Variants in ZBTB20 observed in about 807,000 individuals in gnomAD.
The protein encoded by ZBTB20 is zinc finger and BTB domain-containing protein 20.
Under a neutral mutation model 56.9 loss-of-function variants are expected in ZBTB20, and 9 were observed. The observed-to-expected ratio is 0.16, with a 90% confidence interval of 0.10 to 0.28. The LOEUF (loss-of-function observed/expected upper bound fraction) is 0.28. Ranked by LOEUF, ZBTB20 falls within the 10% of genes least tolerant of loss-of-function variation. ZBTB20 has a pLI of 1.00. For missense variants in ZBTB20, 655 were observed against 1,003.0 expected (o/e 0.65, Z 4.69); for synonymous variants, 417 against 420.7 (o/e 0.99, Z 0.11).
chr3:115,036,645 C>T (rs555524106), intron 2 of ZBTB20, among the ~76,000 whole-genome samples: 5 of 152,232 alleles, frequency 3.3e-5, no homozygotes, highest in South Asian at 4.1e-4. Context: ...GATCTCTTGA[C>T]CTCATGATCT....
At chr3:114,409,955 G>C (rs1231013921) in intron 7 of ZBTB20, among the ~76,000 whole-genome samples, 1 of 152,134 alleles carries the variant, frequency 6.6e-6, no homozygotes, top group Non-Finnish European at 1.5e-5. Flanking sequence ...TCAGAAGAGG[G>C]AGAATATCTC....
At chr3:114,369,112 A>G (rs2082720654) in intron 10 of ZBTB20, among the ~76,000 whole-genome samples, 1 of 152,118 alleles carries the variant, frequency 6.6e-6, no homozygotes, top group Admixed American at 6.5e-5. Context: ...TACCTGGTTA[A>G]GATATGAGGC....
At chr3:114,607,346 A>G (rs2057248582) in intron 6 of ZBTB20, among the ~76,000 whole-genome samples, 1 of 145,746 alleles carries the variant, frequency 6.9e-6, no homozygotes, top group Non-Finnish European at 1.5e-5. Context: ...CTTGTTGCCC[A>G]GGTTGGAGTG....
At chr3:115,008,066 A>G (rs539092592) in intron 2 of ZBTB20, among the ~76,000 whole-genome samples, 32 of 151,794 alleles carry the variant, frequency 2.1e-4, no homozygotes, top group African/African-American at 7.5e-4. Flanking sequence ...CACATCTTCA[A>G]CTTCAAACAT....
At chr3:114,817,134 G>A (rs1390086146) in intron 4 of ZBTB20, among the ~76,000 whole-genome samples, 1 of 151,982 alleles carries the variant, frequency 6.6e-6, no homozygotes, top group Non-Finnish European at 1.5e-5. Context: ...GACTCCGTGT[G>A]TGTGTGTATA....
intron 6 of ZBTB20, among the ~76,000 whole-genome samples, chr3:114,546,365 A>G (rs1380250818): frequency 6.6e-6 from 1 of 152,082 alleles, no homozygotes; most frequent in South Asian, 2.1e-4. Context: ...TCTGAAAACT[A>G]TTGCCTGGCC....
chr3:114,952,707 C>T (rs372163791), intron 3 of ZBTB20, among the ~76,000 whole-genome samples: 1 of 151,786 alleles, frequency 6.6e-6, no homozygotes, highest in African/African-American at 2.4e-5. Flanking sequence ...TGTAGGGAAA[C>T]ACCATTCAAA....
intron 4 of ZBTB20, among the ~76,000 whole-genome samples, chr3:114,837,060 C>T (rs9841037): frequency 0.59 from 89,784 of 151,966 alleles, 30,506 homozygotes; most frequent in East Asian, 0.96. Flanking sequence ...CCTGGTCTAG[C>T]TATATTGCCT....
intron 3 of ZBTB20, among the ~76,000 whole-genome samples, chr3:114,970,322 A>G (rs2077821641): frequency 6.6e-6 from 1 of 152,214 alleles, no homozygotes; most frequent in Non-Finnish European, 1.5e-5. Context: ...GTGTTAATTT[A>G]CTTCCCACTT....
intron 5 of ZBTB20, among the ~76,000 whole-genome samples, chr3:114,780,777 C>G (rs1396154791): frequency 6.6e-6 from 1 of 152,152 alleles, no homozygotes; most frequent in African/African-American, 2.4e-5. Context: ...TGAGCCACCA[C>G]GCCTGGCCCG....
intron 1 of ZBTB20, among the ~76,000 whole-genome samples, chr3:115,139,289 A>AT (rs2084743303): frequency 6.6e-6 from 1 of 152,018 alleles, no homozygotes; most frequent in African/African-American, 2.4e-5. Context: ...GCCTTTCACT[A>AT]CCATTCATAC....
At chr3:114,912,700 CCTT>C (rs898633890) in intron 3 of ZBTB20, among the ~76,000 whole-genome samples, 3 of 151,834 alleles carry the variant, frequency 2.0e-5, no homozygotes, top group Admixed American at 6.6e-5. Context: ...AGATCTTACT[CCTT>C]CTTTCTAGCT....
chr3:115,124,661 A>T (rs547867967), intron 1 of ZBTB20, among the ~76,000 whole-genome samples: 1 of 152,340 alleles, frequency 6.6e-6, no homozygotes, highest in African/African-American at 2.4e-5. Flanking sequence ...CAAGAAACAG[A>T]AAACAGAGCC....
At chr3:114,990,017 T>C (rs1177130499) in intron 2 of ZBTB20, among the ~76,000 whole-genome samples, 1 of 152,066 alleles carries the variant, frequency 6.6e-6, no homozygotes, top group Non-Finnish European at 1.5e-5. Flanking sequence ...GATGATGGGG[T>C]TTTCTAAATA....
chr3:114,366,173 T>C (rs557208510), intron 10 of ZBTB20, among the ~76,000 whole-genome samples: 1 of 152,316 alleles, frequency 6.6e-6, no homozygotes, highest in African/African-American at 2.4e-5. Flanking sequence ...AAAATAAACA[T>C]TTAACAAGTA....
chr3:114,413,669 AGAAG>A (rs1013759561), intron 7 of ZBTB20, among the ~76,000 whole-genome samples: 1 of 152,148 alleles, frequency 6.6e-6, no homozygotes, highest in African/African-American at 2.4e-5. Context: ...TGCTGGGGCC[AGAAG>A]GTGCACAAAT....
intron 1 of ZBTB20, among the ~76,000 whole-genome samples, chr3:115,092,011 C>T (rs1175458916): frequency 6.6e-6 from 1 of 152,072 alleles, no homozygotes; most frequent in African/African-American, 2.4e-5. Flanking sequence ...GTGAGTATCT[C>T]TGACAATCCC....
intron 4 of ZBTB20, among the ~76,000 whole-genome samples, chr3:114,893,492 A>G (rs1335521829): frequency 6.6e-6 from 1 of 152,178 alleles, no homozygotes; most frequent in African/African-American, 2.4e-5. Flanking sequence ...TTCATTGGTA[A>G]GTTGGAAAAC....
chr3:114,743,512 T>C (rs2066781964), intron 5 of ZBTB20: 1 of 154,096 alleles, frequency 6.5e-6, no homozygotes, highest in Non-Finnish European at 1.5e-5. Context: ...TGACAGAGTA[T>C]AGACACAAAT....
Sources: allele counts gnomAD v4.1 joint callset (sites outside exome capture counted in the v4.1 genomes callset), GRCh38; gene constraint gnomAD v4.1.1; transcripts MANE v1.5; gene names NCBI Gene and HGNC (gene_info 2026-07-23, HGNC 2026-07-21).